BCKDHA: variants seen among roughly 807,000 people sequenced by gnomAD.
BCKDHA encodes the protein 2-oxoisovalerate dehydrogenase subunit alpha, mitochondrial.
Under a neutral mutation model 52.2 loss-of-function variants are expected in BCKDHA, and 43 were observed. That is an observed-to-expected ratio of 0.82 (90% confidence interval 0.64 to 1.06). BCKDHA has a LOEUF of 1.06. Ranked by LOEUF, BCKDHA falls within the 50% of genes least tolerant of loss-of-function variation. BCKDHA has a pLI of 0.00. For synonymous variants in BCKDHA, 234 were observed against 247.9 expected (o/e 0.94, Z 0.53); for missense variants, 527 against 621.3 (o/e 0.85, Z 1.61).
intron 4 of BCKDHA, among the ~76,000 whole-genome samples, chr19:41,416,431 A>G (rs2039308762): frequency 6.6e-6 from 1 of 152,236 alleles, no homozygotes; most frequent in Non-Finnish European, 1.5e-5. Flanking sequence ...AAGCCAGGTA[A>G]GAACCTGAGT....
At position 41,410,633 on chromosome 19, in the gene BCKDHA, C is replaced by T. The variant is rs2039240714; in HGVS notation, c.109-4C>T. On this transcript the variant is annotated splice_polypyrimidine_tract_variant and splice_region_variant and intron_variant, in intron 1 of 8. Transcript: ENST00000269980. ...CAGGTGGTCTCCTCTGCTCTCTTCC[C>T]CAGCACCCCCCCAGGCAGCAGCAGC... 6.2e-7 allele frequency: 1 copy of T among 1,614,056 alleles called. No individual in the cohort carries two copies. The highest frequency in any genetic ancestry group is 8.5e-7 in the Non-Finnish European group (1 of 1,180,044).
rs1599965416 is a variant in BCKDHA at position 41,424,976 on chromosome 19, A to G, written c.*368A>G. The G allele has an allele frequency of 9.6e-6, 2 of 207,600 alleles. No individual in the cohort carries two copies. The highest frequency in any genetic ancestry group is 2.3e-4 in the East Asian group (2 of 8,642). The allele number at this position is 207,600 out of a possible 1,614,324, so 12.9% of individuals were successfully genotyped here. A position where few individuals can be genotyped will look rare whatever the true frequency, so the allele number is the denominator to read the frequency against. ...GAGTGGCCAGCAGAGGTCACGAATAAACTGCATCTCTGCGCCTGGCTCTCT... is the reference window on the plus strand; with the variant it reads ...GAGTGGCCAGCAGAGGTCACGAATAGACTGCATCTCTGCGCCTGGCTCTCT... On this transcript the variant is annotated 3_prime_UTR_variant, in exon 9 of 9. Coordinates refer to ENST00000269980, the MANE Select transcript of BCKDHA (RefSeq NM_000709.4).
intron 4 of BCKDHA, among the ~76,000 whole-genome samples, chr19:41,415,215 A>G (rs1325908472): frequency 6.6e-6 from 1 of 152,222 alleles, no homozygotes; most frequent in East Asian, 1.9e-4. Flanking sequence ...GTGTTTGTCT[A>G]AGGTCTAGTG....
rs750739703 is a variant in BCKDHA at position 41,410,643 on chromosome 19, C to A, written c.115C>A (p.Pro39Thr). The A allele has an allele frequency of 1.2e-6, 2 of 1,614,172 alleles. No homozygotes were observed. The highest frequency in any genetic ancestry group is 2.2e-5 in the East Asian group (1 of 44,878). The change falls in exon 2 of 9, where the codon CCC (proline) becomes ACC (threonine). Residue 39 changes from proline (P) to threonine (T), a missense_variant. Pro to Thr is a conservative substitution (Grantham distance 38). Transcript: ENST00000269980. Reference sequence around the variant, plus strand: ...CCTCTGCTCTCTTCCCCAGCACCCCCCCAGGCAGCAGCAGCAGTTTTCATC... The same window carrying A: ...CCTCTGCTCTCTTCCCCAGCACCCCACCAGGCAGCAGCAGCAGTTTTCATC... ...GARGLARSHP[P>T]RQQQQFSSLD... is the part of the protein sequence containing the mutation.
chr19:41,400,892 G>A (rs12971746), intron 1 of BCKDHA, among the ~76,000 whole-genome samples: 151,437 of 151,448 alleles, frequency 1, 75,713 homozygotes, highest in Middle Eastern at 1. Flanking sequence ...TGTGCCTGTA[G>A]TCCCAGCTAC....
intron 4 of BCKDHA, among the ~76,000 whole-genome samples, chr19:41,414,601 G>T (rs1343005444): frequency 1.3e-5 from 2 of 152,164 alleles, no homozygotes; most frequent in Non-Finnish European, 2.9e-5. Context: ...CCTTCGGGGA[G>T]CAGGAGCAGG....
chr19:41,410,962 A>T lies in BCKDHA; in HGVS notation c.328A>T (p.Thr110Ser). 6.2e-7 allele frequency: 1 copy of T among 1,614,142 alleles called. No homozygotes were observed. The highest frequency in any genetic ancestry group is 8.5e-7 in the Non-Finnish European group (1 of 1,180,038). ...GGTGCTGAAGCTCTACAAGAGCATG[A>T]CACTGCTTAACACCATGGACCGCAT... ...EKVLKLYKSM[T>S]LLNTMDRILY... The change falls in exon 3 of 9, where the codon ACA becomes TCA. Residue 110 changes from threonine (T) to serine (S), a missense_variant. Coordinates refer to ENST00000269980, the MANE Select transcript of BCKDHA (RefSeq NM_000709.4).
chr19:41,407,452 T>C lies in BCKDHA; in HGVS notation c.109-3185T>C, dbSNP rs116080069. 3.3e-3 allele frequency among the ~76,000 whole-genome samples: 509 copies of C among 152,212 alleles called. 5 individuals are homozygous for C. Among genetic ancestry groups the C allele is most frequent in the African/African-American group, 0.012 (494 of 41,532 alleles). On this transcript the variant is annotated intron_variant, in intron 1 of 8. Coordinates refer to ENST00000269980, the MANE Select transcript of BCKDHA (RefSeq NM_000709.4). ...TGTCTCTGCCTTCCTGGGATTGTGG[T>C]GTGTGTGGGAGACAGACACGAAACA...
At position 41,424,989 on chromosome 19, in the gene BCKDHA, C is replaced by T. The variant is rs138656011; in HGVS notation, c.*381C>T. The T allele has an allele frequency of 5.3e-5, 10 of 190,042 alleles. No homozygotes were observed. The highest frequency in any genetic ancestry group is 2.2e-4 in the Admixed American group (4 of 17,860). 11.8% of individuals were successfully genotyped at this position (190,042 alleles called of 1,614,324 possible). ...AGGTCACGAATAAACTGCATCTCTGCGCCTGGCTCTCTACCACCTCTGGTC... is the reference window on the plus strand; with the variant it reads ...AGGTCACGAATAAACTGCATCTCTGTGCCTGGCTCTCTACCACCTCTGGTC... On this transcript the variant is annotated 3_prime_UTR_variant, in exon 9 of 9. Coordinates refer to ENST00000269980, the MANE Select transcript of BCKDHA (RefSeq NM_000709.4).
chr19:41,397,996 C>T (rs1011197400), intron 1 of BCKDHA, 61 bp downstream of exon 1: 84 of 1,421,782 alleles, frequency 5.9e-5, no homozygotes, highest in Non-Finnish European at 8.1e-5. Context: ...AGGCTATCTT[C>T]AGAGTGTGGG....
chr19:41,414,121 A>G lies in BCKDHA; in HGVS notation c.448A>G (p.Asn150Asp), dbSNP rs140612545. 2.0e-4 allele frequency: 318 copies of G among 1,613,586 alleles called. No individual in the cohort carries two copies. The highest frequency in any genetic ancestry group is 2.5e-4 in the Non-Finnish European group (300 of 1,180,030). ...THVGSAAALD[N>D]TDLVFGQYRE... ...CGTGGGGAGTGCCGCCGCCCTGGAC[A>G]ACACGGACCTGGTGTTTGGCCAGTA... Residue 150 changes from asparagine (N) to aspartate (D), a missense_variant, in exon 4 of 9, where the codon AAC becomes GAC. Coordinates refer to ENST00000269980, the MANE Select transcript of BCKDHA (RefSeq NM_000709.4).
At chr19:41,402,904 G>A (rs2039153017) in intron 1 of BCKDHA, among the ~76,000 whole-genome samples, 3 of 150,824 alleles carry the variant, frequency 2.0e-5, no homozygotes, top group South Asian at 2.1e-4. Flanking sequence ...GCCTCCCAAA[G>A]TGCTGGGGTT....
intron 4 of BCKDHA, among the ~76,000 whole-genome samples, chr19:41,415,688 G>A (rs2039300508): frequency 6.6e-6 from 1 of 150,510 alleles, no homozygotes; most frequent in Admixed American, 6.6e-5. Context: ...TCGCTCTGTT[G>A]CCCAGGCTGG....
chr19:41,401,759 G>A (rs2039141487), intron 1 of BCKDHA, among the ~76,000 whole-genome samples: 1 of 152,174 alleles, frequency 6.6e-6, no homozygotes, highest in African/African-American at 2.4e-5. Flanking sequence ...CTAGTGGGGT[G>A]AATAGAGTCC....
chr19:41,412,403 T>TTTTTTTTTTTTTTTTTTC (rs1241708437), intron 3 of BCKDHA, among the ~76,000 whole-genome samples: 1 of 146,668 alleles, frequency 6.8e-6, no homozygotes, highest in Non-Finnish European at 1.5e-5. Context: ...TTTTTTACTT[T>TTTTTTTTTTTTTTTTTTC]TGAGATGGAG....
At chr19:41,410,837 C>G (rs368375544) in intron 2 of BCKDHA, 21 bp downstream of exon 2, 12 of 1,614,014 alleles carry the variant, frequency 7.4e-6, no homozygotes, top group Non-Finnish European at 9.3e-6. Flanking sequence ...GCCTCCCCCA[C>G]TTCCCGTGCC....
chr19:41,415,529 C>T (rs1374158918), intron 4 of BCKDHA: 1 of 152,280 alleles, frequency 6.6e-6, no homozygotes, highest in Non-Finnish European at 1.5e-5. Context: ...CTAGACTTCA[C>T]TTGGCAGGCC....
chr19:41,419,376 C>T, intron 5 of BCKDHA, 80 bp downstream of exon 5: 2 of 1,519,774 alleles, frequency 1.3e-6, no homozygotes, highest in Non-Finnish European at 1.8e-6. Context: ...TTTTGCCTGC[C>T]TTCTGGGTGG....
At chr19:41,423,972 A>C (rs2039399308) in intron 8 of BCKDHA, among the ~76,000 whole-genome samples, 1 of 152,080 alleles carries the variant, frequency 6.6e-6, no homozygotes, top group Non-Finnish European at 1.5e-5. Context: ...CAGCCTGGGC[A>C]ACAGAGCAAG....
Sources: allele counts gnomAD v4.1 joint callset (sites outside exome capture counted in the v4.1 genomes callset), GRCh38; gene constraint gnomAD v4.1.1; transcripts MANE v1.5; gene names NCBI Gene and HGNC (gene_info 2026-07-23, HGNC 2026-07-21).